ADORA1: variants seen among roughly 807,000 people sequenced by gnomAD.
ADORA1 encodes the protein adenosine receptor A1.
Under a neutral mutation model 19.9 loss-of-function variants are expected in ADORA1, and 6 were observed. That is an observed-to-expected ratio of 0.30 (90% CI 0.17 to 0.59). The LOEUF (loss-of-function observed/expected upper bound fraction) is 0.59, where lower values mean the gene tolerates loss of function less well. ADORA1 is among the 20% of genes least tolerant of loss of function. The pLI, the probability that ADORA1 is intolerant of heterozygous loss-of-function variation, is 0.87. For synonymous variants in ADORA1, 194 were observed against 188.4 expected (o/e 1.03, Z -0.24); for missense variants, 302 against 439.2 (o/e 0.69, Z 2.79).
At position 203,129,124 on chromosome 1, in the gene ADORA1, A is replaced by T; in HGVS notation, c.283A>T (p.Ile95Phe). ...CPVLILTQSS[I>F]LALLAIAVDR... Reference sequence around the variant, plus strand: ...GGTCCTCATCCTCACCCAGAGCTCCATCCTGGCCCTGCTGGCAATTGCTGT... The same window carrying T: ...GGTCCTCATCCTCACCCAGAGCTCCTTCCTGGCCCTGCTGGCAATTGCTGT... The change falls in exon 3 of 4, where the codon ATC becomes TTC. Residue 95 changes from isoleucine (I) to phenylalanine (F), a missense_variant. Coordinates refer to ENST00000337894, the MANE Select transcript of ADORA1 (RefSeq NM_000674.3). The T allele has an allele frequency of 2.5e-6, 4 of 1,614,062 alleles. No individual in the cohort carries two copies. Among genetic ancestry groups the T allele is most frequent in the Non-Finnish European group, 3.4e-6 (4 of 1,180,008 alleles).
At chr1:203,162,384 G>T (rs542414218) in intron 3 of ADORA1, among the ~76,000 whole-genome samples, 1 of 152,240 alleles carries the variant, frequency 6.6e-6, no homozygotes, top group East Asian at 1.9e-4. Flanking sequence ...GGGGTGAGGA[G>T]AGAAGAGGGG....
intron 3 of ADORA1, among the ~76,000 whole-genome samples, chr1:203,160,530 G>C (rs957889001): frequency 1.3e-5 from 2 of 152,178 alleles, no homozygotes; most frequent in African/African-American, 4.8e-5. Flanking sequence ...TCAGTGCCTA[G>C]GGCTGGGCGC....
intron 3 of ADORA1, among the ~76,000 whole-genome samples, chr1:203,142,506 A>G (rs924495372): frequency 6.6e-6 from 1 of 152,262 alleles, no homozygotes; most frequent in African/African-American, 2.4e-5. Flanking sequence ...ATTCGCCTAC[A>G]GAAGACAAAG....
At chr1:203,153,656 C>A (rs898407836) in intron 3 of ADORA1, among the ~76,000 whole-genome samples, 1 of 152,130 alleles carries the variant, frequency 6.6e-6, no homozygotes, top group Non-Finnish European at 1.5e-5. Flanking sequence ...CCCCTCACAG[C>A]GGGATTCAAG....
At chr1:203,155,483 A>G (rs567254594) in intron 3 of ADORA1, among the ~76,000 whole-genome samples, 10 of 152,338 alleles carry the variant, frequency 6.6e-5, no homozygotes, top group Non-Finnish European at 1.0e-4. Context: ...CGGGTCTCCA[A>G]CTAGAAGTGA....
chr1:203,137,199 A>G (rs953741196), intron 3 of ADORA1, among the ~76,000 whole-genome samples: 3 of 152,200 alleles, frequency 2.0e-5, no homozygotes, highest in Non-Finnish European at 4.4e-5. Context: ...GTGAGGGAAC[A>G]CACCATGCAG....
At position 203,128,727 on chromosome 1, in the gene ADORA1, T is replaced by G; in HGVS notation, c.-57-58T>G. The G allele has an allele frequency of 6.6e-5, 99 of 1,491,692 alleles. No homozygotes were observed. Among genetic ancestry groups the G allele is most frequent in the Non-Finnish European group, 8.3e-5 (93 of 1,125,204 alleles). The allele number at this position is 1,491,692 out of a possible 1,614,324, so 92.4% of individuals were successfully genotyped here. A position where few individuals can be genotyped will look rare whatever the true frequency, so the allele number is the denominator to read the frequency against. On this transcript the variant is annotated intron_variant, in intron 2 of 3. Transcript: ENST00000337894. The surrounding 1 kb of genome is among the most constrained non-coding windows in gnomAD (Gnocchi z 5.9). ...GGGTACCTGGAGTTCCAGGGCAGCC[T>G]GAGCTCCCTGCCCCTCCCAGACGGG...
In ADORA1 at chr1:203,167,079, C is replaced by T. The variant is rs1245283841; in HGVS notation, c.*1179C>T. ...AGCTCTGTTGCAGGTGTCCGGGGGT[C>T]TAGGACTTTAGGGATCTGGGGAAGG... On this transcript the variant is annotated 3_prime_UTR_variant, in exon 4 of 4. Transcript: ENST00000337894. The T allele has an allele frequency of 3.3e-5, 5 of 152,542 alleles. No homozygotes were observed. The highest frequency in any genetic ancestry group is 1.3e-4 in the Admixed American group (2 of 15,284). 9.4% of individuals were successfully genotyped at this position (152,542 alleles called of 1,614,324 possible). A position where few individuals can be genotyped will look rare whatever the true frequency, so the allele number is the denominator to read the frequency against.
At chr1:203,152,079 G>A (rs1216182380) in intron 3 of ADORA1, among the ~76,000 whole-genome samples, 4 of 152,188 alleles carry the variant, frequency 2.6e-5, no homozygotes, top group African/African-American at 4.8e-5. Flanking sequence ...GAAGGGAACC[G>A]TGACCTGCTA....
intron 3 of ADORA1, among the ~76,000 whole-genome samples, chr1:203,143,983 A>G (rs1007909459): frequency 6.6e-6 from 1 of 152,028 alleles, no homozygotes; most frequent in Non-Finnish European, 1.5e-5. Flanking sequence ...CCTGTACTCA[A>G]CACTCACTTT....
chr1:203,148,785 A>C (rs1197142866), intron 3 of ADORA1, among the ~76,000 whole-genome samples: 3 of 152,072 alleles, frequency 2.0e-5, no homozygotes, highest in Admixed American at 1.3e-4. Flanking sequence ...CCTCTGTGCC[A>C]CTGCTCATGT....
Position 203,161,745 on chromosome 1 carries a change from A to AT in ADORA1, c.342-3507dup, listed in dbSNP as rs1222925237. ...CACCACCACGCCTGACTAATTTTGT[A>AT]TTTTTTTTTAGTAGAGATGGGGTTT... On this transcript the variant is annotated intron_variant, in intron 3 of 3. Transcript: ENST00000337894. 1.9e-3 allele frequency among the ~76,000 whole-genome samples: 288 copies of AT among 150,642 alleles called. 2 individuals are homozygous for AT. The highest frequency in any genetic ancestry group is 5.7e-3 in the African/African-American group (234 of 41,082).
chr1:203,160,835 T>C (rs973186732), intron 3 of ADORA1, among the ~76,000 whole-genome samples: 2 of 152,162 alleles, frequency 1.3e-5, no homozygotes, highest in East Asian at 3.9e-4. Context: ...AAATAGTCAG[T>C]GCCCAGCACA....
Position 203,129,013 on chromosome 1 carries a change from G to C in ADORA1, c.172G>C (p.Val58Leu). 1 of 1,614,138 alleles carries C rather than the reference G, an allele frequency of 6.2e-7. No individual in the cohort carries two copies. The highest frequency in any genetic ancestry group is 8.5e-7 in the Non-Finnish European group (1 of 1,180,034). ...IVSLAVADVA[V>L]GALVIPLAIL... is the part of the protein sequence containing the mutation. Reference sequence around the variant, plus strand: ...GTCGCTGGCGGTGGCTGATGTGGCCGTGGGTGCCCTGGTCATCCCCCTCGC... The same window carrying C: ...GTCGCTGGCGGTGGCTGATGTGGCCCTGGGTGCCCTGGTCATCCCCCTCGC... The change falls in exon 3 of 4, where the codon GTG becomes CTG. Residue 58 changes from valine to leucine, a missense_variant. Transcript: ENST00000337894.
chr1:203,149,036 A>C (rs1654949913), intron 3 of ADORA1, among the ~76,000 whole-genome samples: 1 of 151,904 alleles, frequency 6.6e-6, no homozygotes, highest in Non-Finnish European at 1.5e-5. Flanking sequence ...TGCCACCAAG[A>C]CTGGCTAATA....
At chr1:203,135,509 T>C (rs952414565) in intron 3 of ADORA1, among the ~76,000 whole-genome samples, 1 of 151,896 alleles carries the variant, frequency 6.6e-6, no homozygotes, top group African/African-American at 2.4e-5. Flanking sequence ...AATACAAAAA[T>C]TAGATGGGCA....
At position 203,128,516 on chromosome 1, in the gene ADORA1, C is replaced by T. The variant is rs959961862; in HGVS notation, c.-58+84C>T. 6 of 1,045,594 alleles carry T rather than the reference C, an allele frequency of 5.7e-6. No individual in the cohort carries two copies. Among genetic ancestry groups the T allele is most frequent in the Admixed American group, 3.0e-5 (1 of 33,556 alleles). The allele number at this position is 1,045,594 out of a possible 1,614,324, so 64.8% of individuals were successfully genotyped here. A position where few individuals can be genotyped will look rare whatever the true frequency, so the allele number is the denominator to read the frequency against. On this transcript the variant is annotated intron_variant, in intron 2 of 3. Coordinates refer to ENST00000337894, the MANE Select transcript of ADORA1 (RefSeq NM_000674.3). This position sits in a 1 kb window ranked among gnomAD's most constrained non-coding sequence, Gnocchi z 5.9. ...CCCTCTGTGCGTGTGTCTGTGTGTG[C>T]GCGCGCGCTGGGAGCTGCCTCACAC...
intron 3 of ADORA1, among the ~76,000 whole-genome samples, chr1:203,147,950 A>G (rs972354767): frequency 2.6e-5 from 4 of 152,216 alleles, no homozygotes; most frequent in Non-Finnish European, 4.4e-5. Context: ...AAGGCATGGT[A>G]GCTCATGCCT....
chr1:203,165,914 C>T lies in ADORA1; in HGVS notation c.*14C>T, dbSNP rs775001661. The T allele has an allele frequency of 1.9e-6, 3 of 1,540,412 alleles. No individual in the cohort carries two copies. The highest frequency in any genetic ancestry group is 1.9e-5 in the Admixed American group (1 of 51,904). ...CCTGATGACTAGACCCCGCCTTCCG[C>T]TCCCACCAGCCCACATCCAGTGGGG... On this transcript the variant is annotated 3_prime_UTR_variant, in exon 4 of 4. Transcript: ENST00000337894. The surrounding 1 kb of genome is among the most constrained non-coding windows in gnomAD (Gnocchi z 5.9).
Sources: gnomAD v4.1 joint callset for allele counts (sites outside exome capture counted in the v4.1 genomes callset) on GRCh38, gnomAD v4.1.1 for gene constraint, Gnocchi (gnomAD v3.1) non-coding constraint, MANE v1.5 for transcripts, NCBI Gene and HGNC (gene_info 2026-07-23, HGNC 2026-07-21) for gene names.